Variants in NADK2 observed in about 807,000 individuals in gnomAD.
NADK2 encodes the protein NAD kinase 2, mitochondrial, also known as NAD kinase domain-containing protein 1, mitochondrial.
NADK2 carries 35 observed loss-of-function variants against 62.1 expected under a neutral mutation model. The observed-to-expected ratio is 0.56, with a 90% confidence interval of 0.43 to 0.75. The LOEUF is 0.75. NADK2 is among the 30% of genes least tolerant of loss of function. NADK2 has a pLI of 0.00. For synonymous variants in NADK2, 205 were observed against 207.9 expected (o/e 0.99, Z 0.12); for missense variants, 439 against 561.3 (o/e 0.78, Z 2.20).
chr5:36,225,737 T>A, intron 3 of NADK2, 114 bp from the exon 4 acceptor site: 1 of 779,196 alleles, frequency 1.3e-6, no homozygotes, highest in Non-Finnish European at 2.1e-6. Context: ...TGCTAACCGC[T>A]ATAGCCTATC....
At chr5:36,200,160 T>C in intron 10 of NADK2, 67 bp downstream of exon 10, 1 of 1,160,434 alleles carries the variant, frequency 8.6e-7, no homozygotes, top group Admixed American at 2.4e-5. Flanking sequence ...AAACAACACT[T>C]CACACTATCA....
Position 36,241,441 on chromosome 5 carries a change from G to A in NADK2, c.300+58C>T. On this transcript the variant is annotated intron_variant, in intron 1 of 11. Transcript: ENST00000381937. The surrounding 1 kb of genome is among the most constrained non-coding windows in gnomAD (Gnocchi z 4.9). ...CGAGAGGTCCCCCCGAGGGGGCGCA[G>A]CCGCCACCAGAGCCCCGGCCGAGCC... is the stretch of plus-strand genomic sequence containing the variant. The A allele has an allele frequency of 6.8e-7, 1 of 1,475,680 alleles. No individual in the cohort carries two copies. The highest frequency in any genetic ancestry group is 1.2e-5 in the South Asian group (1 of 80,410). The allele number at this position is 1,475,680 out of a possible 1,614,324, so 91.4% of individuals were successfully genotyped here.
rs766818842 is a variant in NADK2, at chr5:36,227,582, G to A, written c.301-17C>T. ...CAATGCAAGCTATATCAAAACAAAA[G>A]AAACGTTGTTTTACTAATATATATT... On this transcript the variant is annotated splice_polypyrimidine_tract_variant and intron_variant, in intron 1 of 11. Coordinates refer to ENST00000381937, the MANE Select transcript of NADK2 (RefSeq NM_001085411.3). 190 of 1,430,612 alleles carry A rather than the reference G, an allele frequency of 1.3e-4. 1 individual carries two copies. In the Middle Eastern group the frequency reaches 2.5e-3, roughly 19 times the overall value. 88.6% of individuals were successfully genotyped at this position (1,430,612 alleles called of 1,614,324 possible). A position where few individuals can be genotyped will look rare whatever the true frequency, so the allele number is the denominator to read the frequency against.
Position 36,227,582 on chromosome 5 carries a change from G to T in NADK2, c.301-17C>A, listed in dbSNP as rs766818842. 5 of 1,430,728 alleles carry T rather than the reference G, an allele frequency of 3.5e-6. No individual in the cohort carries two copies. The highest frequency in any genetic ancestry group is 4.7e-6 in the Non-Finnish European group (5 of 1,068,478). The allele number at this position is 1,430,728 out of a possible 1,614,324, so 88.6% of individuals were successfully genotyped here. On this transcript the variant is annotated splice_polypyrimidine_tract_variant and intron_variant, in intron 1 of 11. Coordinates refer to ENST00000381937, the MANE Select transcript of NADK2 (RefSeq NM_001085411.3). ...CAATGCAAGCTATATCAAAACAAAAGAAACGTTGTTTTACTAATATATATT... is the reference window on the plus strand; with the variant it reads ...CAATGCAAGCTATATCAAAACAAAATAAACGTTGTTTTACTAATATATATT...
intron 10 of NADK2, among the ~76,000 whole-genome samples, chr5:36,199,248 A>G (rs1275585694): frequency 6.6e-6 from 1 of 152,122 alleles, no homozygotes; most frequent in South Asian, 2.1e-4. Flanking sequence ...ACTCATGTTA[A>G]GGTAACCAAT....
chr5:36,241,732 G>A lies in NADK2; in HGVS notation c.67C>T (p.Leu23=). Residue 23 remains leucine (L), a synonymous_variant, in exon 1 of 12, where the codon CTG becomes TTG. Transcript: ENST00000381937. This position sits in a 1 kb window ranked among gnomAD's most constrained non-coding sequence, Gnocchi z 4.9. ...GGGCCTCCCGCACCCGGTCCCCGCA[G>A]CGCCGCCGCCCGGCCGCCCGCCACG... is the stretch of plus-strand genomic sequence containing the variant. ...CRVAGGRAAA[L]RGPGAGGPAA... The A allele has an allele frequency of 7.9e-7, 1 of 1,260,510 alleles. No individual in the cohort carries two copies. Among genetic ancestry groups the A allele is most frequent in the Non-Finnish European group, 1.0e-6 (1 of 997,866 alleles). The allele number at this position is 1,260,510 out of a possible 1,614,324, so 78.1% of individuals were successfully genotyped here. A position where few individuals can be genotyped will look rare whatever the true frequency, so the allele number is the denominator to read the frequency against.
intron 1 of NADK2, among the ~76,000 whole-genome samples, chr5:36,232,235 T>C (rs186952682): frequency 6.6e-6 from 1 of 152,362 alleles, no homozygotes; most frequent in Non-Finnish European, 1.5e-5. Flanking sequence ...TGGTTTTACT[T>C]ATCTAAAACT....
chr5:36,212,945 A>G (rs1746905487), intron 6 of NADK2: 1 of 152,166 alleles, frequency 6.6e-6, no homozygotes, highest in South Asian at 2.1e-4. Context: ...ATGACATATC[A>G]CTTCTGAGAT....
intron 4 of NADK2, among the ~76,000 whole-genome samples, 159 bp downstream of exon 4, chr5:36,225,383 T>C (rs1419079361): frequency 6.6e-6 from 1 of 152,044 alleles, no homozygotes; most frequent in East Asian, 1.9e-4. Context: ...CCCAAGAATG[T>C]GAACATGGTC....
At position 36,192,976 on chromosome 5, in the gene NADK2, T is replaced by G. The variant is rs547397304; in HGVS notation, c.*2168A>C. 1 of 152,342 alleles carries G rather than the reference T, an allele frequency of 6.6e-6. No homozygotes were observed. The highest frequency in any genetic ancestry group is 2.1e-4 in the South Asian group (1 of 4,826). 9.4% of individuals were successfully genotyped at this position (152,342 alleles called of 1,614,324 possible). A position where few individuals can be genotyped will look rare whatever the true frequency, so the allele number is the denominator to read the frequency against. ...TGCTATGCTAACATTCCTTTGCCTC[T>G]TATTCTTACAAATAAACCCCCATCA... On this transcript the variant is annotated 3_prime_UTR_variant, in exon 12 of 12. Transcript: ENST00000381937.
At chr5:36,201,625 A>C (rs1746450014) in intron 8 of NADK2, among the ~76,000 whole-genome samples, 1 of 152,028 alleles carries the variant, frequency 6.6e-6, no homozygotes, top group Non-Finnish European at 1.5e-5. Flanking sequence ...ATTAAGTTAA[A>C]AAATAAAAGG....
intron 4 of NADK2, among the ~76,000 whole-genome samples, chr5:36,223,522 TACAG>T (rs1298314911): frequency 1.3e-5 from 2 of 152,008 alleles, no homozygotes; most frequent in Non-Finnish European, 2.9e-5. Flanking sequence ...TCAAAAGAAA[TACAG>T]ACAAAGAAGT....
chr5:36,235,559 GAT>G (rs1747873099), intron 1 of NADK2, among the ~76,000 whole-genome samples: 1 of 152,112 alleles, frequency 6.6e-6, no homozygotes, highest in African/African-American at 2.4e-5. Flanking sequence ...GTGCTTTCAG[GAT>G]CAAAACTCTG....
intron 10 of NADK2, among the ~76,000 whole-genome samples, chr5:36,199,512 A>G (rs1279372139): frequency 6.6e-6 from 1 of 152,084 alleles, no homozygotes; most frequent in Non-Finnish European, 1.5e-5. Context: ...TACAAGAATG[A>G]TCCTGGTAGA....
At chr5:36,218,979 G>A (rs146984131) in intron 5 of NADK2, among the ~76,000 whole-genome samples, 1 of 152,104 alleles carries the variant, frequency 6.6e-6, no homozygotes, top group Non-Finnish European at 1.5e-5. Flanking sequence ...GACATGTAAC[G>A]AGGTTAAGAA....
Position 36,241,370 on chromosome 5 carries a change from G to C in NADK2, c.300+129C>G, listed in dbSNP as rs1561080879. 1 of 1,339,696 alleles carries C rather than the reference G, an allele frequency of 7.5e-7. No homozygotes were observed. Among genetic ancestry groups the C allele is most frequent in the Non-Finnish European group, 9.6e-7 (1 of 1,046,664 alleles). 83.0% of individuals were successfully genotyped at this position (1,339,696 alleles called of 1,614,324 possible). A position where few individuals can be genotyped will look rare whatever the true frequency, so the allele number is the denominator to read the frequency against. Reference sequence around the variant, plus strand: ...AGAAGCCAGAGGACCTGGGGGCCGCGAGAGAGGCAGGACCGGCATCTGCGG... The same window carrying C: ...AGAAGCCAGAGGACCTGGGGGCCGCCAGAGAGGCAGGACCGGCATCTGCGG... On this transcript the variant is annotated intron_variant, in intron 1 of 11. Coordinates refer to ENST00000381937, the MANE Select transcript of NADK2 (RefSeq NM_001085411.3). This position sits in a 1 kb window ranked among gnomAD's most constrained non-coding sequence, Gnocchi z 4.9.
In NADK2 at chr5:36,201,139, C is replaced by T; in HGVS notation, c.979G>A (p.Ala327Thr). 1 of 1,612,376 alleles carries T rather than the reference C, an allele frequency of 6.2e-7. No individual in the cohort carries two copies. Among genetic ancestry groups the T allele is most frequent in the African/African-American group, 1.3e-5 (1 of 74,904 alleles). Residue 327 changes from alanine to threonine, a missense_variant, in exon 9 of 12, where the codon GCA (alanine) becomes ACA (threonine). Ala to Thr is a moderately conservative substitution (Grantham distance 58). Coordinates refer to ENST00000381937, the MANE Select transcript of NADK2 (RefSeq NM_001085411.3). ...KAWSFNINRV[A>T]TQAVEDVLNI... ...AAAACATCTTCTACAGCCTGAGTTG[C>T]AACCCTGTTAATATTGAATGACCTA...
intron 6 of NADK2, 69 bp downstream of exon 6, chr5:36,217,675 TCAAA>T: frequency 6.3e-7 from 1 of 1,581,130 alleles, no homozygotes; most frequent in Non-Finnish European, 8.7e-7. Context: ...AATTATTACA[TCAAA>T]AAATTTGAGG....
chr5:36,238,268 G>C (rs370072619), intron 1 of NADK2, among the ~76,000 whole-genome samples: 1 of 152,108 alleles, frequency 6.6e-6, no homozygotes, highest in Admixed American at 6.6e-5. Context: ...GAAAACAAAA[G>C]GGAAATCCAA....
Sources: allele counts gnomAD v4.1 joint callset (sites outside exome capture counted in the v4.1 genomes callset), GRCh38; gene constraint gnomAD v4.1.1; non-coding constraint Gnocchi (gnomAD v3.1); transcripts MANE v1.5; gene names NCBI Gene and HGNC (gene_info 2026-07-23, HGNC 2026-07-21).